HERC6: variants seen among roughly 807,000 people sequenced by gnomAD.
HERC6 encodes probable E3 ubiquitin-protein ligase HERC6.
A neutral mutation model predicts 114.5 loss-of-function variants in HERC6; 101 were observed. The observed-to-expected ratio is 0.88, with a 90% CI of 0.75 to 1.04. The LOEUF is 1.04. HERC6 is among the 50% of genes least tolerant of loss of function. The probability of loss-of-function intolerance (pLI) is 0.00; values close to 1 mark genes in which losing one functional copy is unlikely to be tolerated. For synonymous variants in HERC6, 408 were observed against 436.2 expected (o/e 0.94, Z 0.81); for missense variants, 1,133 against 1,230.9 (o/e 0.92, Z 1.19).
chr4:88,419,107 C>T (rs990652889), intron 13 of HERC6, among the ~76,000 whole-genome samples: 4 of 152,004 alleles, frequency 2.6e-5, no homozygotes, highest in Admixed American at 6.6e-5. Context: ...AAAAGTTCAC[C>T]GAGGACTATG....
chr4:88,383,246 A>C lies in HERC6; in HGVS notation c.225A>C (p.Leu75=). The C allele has an allele frequency of 6.2e-7, 1 of 1,610,564 alleles. No individual in the cohort carries two copies. The highest frequency in any genetic ancestry group is 8.5e-7 in the Non-Finnish European group (1 of 1,178,470). Residue 75 remains leucine, a synonymous_variant, in exon 2 of 23, where the codon CTA becomes CTC. Coordinates refer to ENST00000264346, the MANE Select transcript of HERC6 (RefSeq NM_017912.4). ...AACCAATTCAGGCATTGGAAACCCT[A>C]ATTGTTGATCTCGTGAGCTGCGGGA... ...LPEPIQALET[L]IVDLVSCGKE...
rs1178991817 is a variant in HERC6, at chr4:88,442,226, C to G, written c.2843-8C>G. 1 of 1,592,846 alleles carries G rather than the reference C, an allele frequency of 6.3e-7. No individual in the cohort carries two copies. The highest frequency in any genetic ancestry group is 8.6e-7 in the Non-Finnish European group (1 of 1,165,926). ...GAAATATCTTAACCAAATTTTATTC[C>G]TTTCTAGTTTTCCTTACAGGACGTG... On this transcript the variant is annotated splice_region_variant and splice_polypyrimidine_tract_variant and intron_variant, in intron 22 of 22. Coordinates refer to ENST00000264346, the MANE Select transcript of HERC6 (RefSeq NM_017912.4).
At chr4:88,438,566 T>G (rs1048974207) in intron 20 of HERC6, among the ~76,000 whole-genome samples, 2 of 152,122 alleles carry the variant, frequency 1.3e-5, no homozygotes, top group African/African-American at 4.8e-5. Flanking sequence ...TTATGTAATA[T>G]AATGTCAGAT....
intron 3 of HERC6, among the ~76,000 whole-genome samples, chr4:88,386,371 A>G (rs1013479064): frequency 6.6e-6 from 1 of 151,720 alleles, no homozygotes; most frequent in Non-Finnish European, 1.5e-5. Flanking sequence ...ATGCCCGGCT[A>G]ATTTTTGTAT....
chr4:88,424,281 GT>G (rs1026362381), intron 14 of HERC6, among the ~76,000 whole-genome samples: 1 of 152,186 alleles, frequency 6.6e-6, no homozygotes, highest in African/African-American at 2.4e-5. Context: ...GAGCCCCGGA[GT>G]TTGAGACCAG....
At position 88,431,212 on chromosome 4, in the gene HERC6, G is replaced by A; in HGVS notation, c.2157G>A (p.Glu719=). The change falls in exon 17 of 23, where the codon GAG becomes GAA. Residue 719 remains glutamate (E), a synonymous_variant. Coordinates refer to ENST00000264346, the MANE Select transcript of HERC6 (RefSeq NM_017912.4). ...ICPESGGVSS[E]FFHCMFEEMT... ...CTGAGTCTGGAGGGGTTAGTTCAGA[G>A]TTCTTCCACTGTATGTTTGAAGAGA... is the stretch of plus-strand genomic sequence containing the variant. 4.3e-6 allele frequency: 7 copies of A among 1,613,344 alleles called. No homozygotes were observed. Among genetic ancestry groups the A allele is most frequent in the Non-Finnish European group, 5.9e-6 (7 of 1,179,556 alleles).
intron 1 of HERC6, among the ~76,000 whole-genome samples, chr4:88,379,717 AAT>A (rs1291267109): frequency 1.9e-5 from 2 of 105,350 alleles, no homozygotes; most frequent in African/African-American, 8.0e-5. Flanking sequence ...ATAATATATA[AAT>A]ATATATAATA....
intron 8 of HERC6, 40 bp from the exon 9 acceptor site, chr4:88,404,832 CGTGT>C (rs1560544511): frequency 6.2e-7 from 1 of 1,604,036 alleles, no homozygotes; most frequent in Non-Finnish European, 8.5e-7. Context: ...TACTACTGAA[CGTGT>C]GTGTGTTCCT....
At chr4:88,433,926 G>T (rs1738487392) in intron 17 of HERC6, among the ~76,000 whole-genome samples, 1 of 152,172 alleles carries the variant, frequency 6.6e-6, no homozygotes, top group South Asian at 2.1e-4. Context: ...TAAAATATAG[G>T]AATGGCTAAG....
intron 10 of HERC6, among the ~76,000 whole-genome samples, chr4:88,406,215 T>C (rs1419145232): frequency 6.6e-6 from 1 of 152,222 alleles, no homozygotes. Context: ...CCTCTGCCTC[T>C]TTGGAGGTTG....
In HERC6 at chr4:88,380,191, TATAATATA is replaced by T. The variant is rs1734162513; in HGVS notation, c.199+1073_199+1080del. 1.2e-3 allele frequency among the ~76,000 whole-genome samples: 3 copies of T among 2,526 alleles called. 1 individual carries two copies. Among genetic ancestry groups the T allele is most frequent in the South Asian group, 0.015 (2 of 136 alleles). 1.7% of individuals were successfully genotyped at this position (2,526 alleles called of 152,430 possible). ...TATATATATAATATATAAATATATA[TATAATATA>T]AATATATATATAATATATAAATATA... On this transcript the variant is annotated intron_variant, in intron 1 of 22. Coordinates refer to ENST00000264346, the MANE Select transcript of HERC6 (RefSeq NM_017912.4).
At chr4:88,436,578 T>G (rs1738770966) in intron 18 of HERC6, among the ~76,000 whole-genome samples, 1 of 152,220 alleles carries the variant, frequency 6.6e-6, no homozygotes. Flanking sequence ...TCCCTCCAAG[T>G]GTGACAACCA....
intron 3 of HERC6, among the ~76,000 whole-genome samples, chr4:88,389,093 A>G (rs1734755008): frequency 6.6e-6 from 1 of 152,164 alleles, no homozygotes; most frequent in African/African-American, 2.4e-5. Context: ...GCAGAAACCA[A>G]ATGAAAAGGG....
At chr4:88,406,347 T>C (rs1241429242) in intron 10 of HERC6, among the ~76,000 whole-genome samples, 1 of 152,250 alleles carries the variant, frequency 6.6e-6, no homozygotes, top group Non-Finnish European at 1.5e-5. Flanking sequence ...ACACATCTTG[T>C]ACCCACTGCT....
chr4:88,379,567 G>A (rs972355269), intron 1 of HERC6, among the ~76,000 whole-genome samples: 1 of 147,796 alleles, frequency 6.8e-6, no homozygotes, highest in African/African-American at 2.5e-5. Context: ...CCTTACAAAC[G>A]TGGTTTGTGG....
At chr4:88,427,585 G>A (rs1179118322) in intron 15 of HERC6, among the ~76,000 whole-genome samples, 1 of 152,076 alleles carries the variant, frequency 6.6e-6, no homozygotes, top group Admixed American at 6.6e-5. Flanking sequence ...AGTAATAACA[G>A]ACAAATTTCT....
intron 4 of HERC6, among the ~76,000 whole-genome samples, chr4:88,391,584 A>G (rs1734922493): frequency 1.3e-5 from 2 of 152,234 alleles, no homozygotes; most frequent in African/African-American, 4.8e-5. Flanking sequence ...CTATTAAATC[A>G]GAATGTCTGG....
chr4:88,397,557 C>T (rs901946417), intron 7 of HERC6, among the ~76,000 whole-genome samples: 5 of 151,504 alleles, frequency 3.3e-5, no homozygotes, highest in South Asian at 4.2e-4. Flanking sequence ...ATTAGCCGGG[C>T]GTGGTGGTGC....
At chr4:88,388,877 A>G (rs1734743934) in intron 3 of HERC6, among the ~76,000 whole-genome samples, 1 of 152,182 alleles carries the variant, frequency 6.6e-6, no homozygotes, top group Non-Finnish European at 1.5e-5. Context: ...AATCTCCCAC[A>G]CAAAAGACAG....
Sources: allele counts gnomAD v4.1 joint callset (sites outside exome capture counted in the v4.1 genomes callset), GRCh38; gene constraint gnomAD v4.1.1; transcripts MANE v1.5; gene names NCBI Gene and HGNC (gene_info 2026-07-23, HGNC 2026-07-21).